PAK5: variants seen among roughly 807,000 people sequenced by gnomAD.
PAK5 encodes the protein p21 (RAC1) activated kinase 5.
In PAK5, 16 loss-of-function variants were observed where a neutral mutation model predicts 65.9. That is an observed-to-expected ratio of 0.24 (90% CI 0.16 to 0.37). The LOEUF is 0.37. Ranked by LOEUF, PAK5 falls within the 10% of genes least tolerant of loss-of-function variation. PAK5 has a pLI of 1.00. For missense variants in PAK5, 785 were observed against 903.9 expected, an observed-to-expected ratio of 0.87 and a Z score of 1.69; for synonymous variants, 371 against 354.9, an observed-to-expected ratio of 1.05 and a Z score of -0.51.
intron 1 of PAK5, among the ~76,000 whole-genome samples, chr20:9,723,628 C>A (rs149917544): frequency 6.6e-6 from 1 of 152,272 alleles, no homozygotes; most frequent in East Asian, 1.9e-4. Context: ...TTGTGCATTT[C>A]GAACTGTTCT....
chr20:9,757,394 T>C (rs1352079850), intron 1 of PAK5, among the ~76,000 whole-genome samples: 1 of 152,132 alleles, frequency 6.6e-6, no homozygotes, highest in Non-Finnish European at 1.5e-5. Flanking sequence ...TAAAATATGA[T>C]GAATATAAAA....
chr20:9,685,437 G>A (rs1692317588), intron 2 of PAK5, among the ~76,000 whole-genome samples: 1 of 152,142 alleles, frequency 6.6e-6, no homozygotes, highest in South Asian at 2.1e-4. Context: ...GATATACACA[G>A]GGAGAACCAC....
intron 2 of PAK5, among the ~76,000 whole-genome samples, chr20:9,692,634 C>T (rs2047812636): frequency 6.6e-6 from 1 of 152,120 alleles, no homozygotes; most frequent in Admixed American, 6.5e-5. Flanking sequence ...AATCATCACC[C>T]TAGTTCTTAA....
intron 1 of PAK5, among the ~76,000 whole-genome samples, chr20:9,811,804 TA>T (rs1244502026): frequency 2.0e-5 from 3 of 152,234 alleles, no homozygotes; most frequent in Non-Finnish European, 4.4e-5. Context: ...AAGAAGTTAC[TA>T]TGCTCCTTCT....
At chr20:9,645,443 G>T (rs1600190894) in intron 2 of PAK5, among the ~76,000 whole-genome samples, 1 of 152,216 alleles carries the variant, frequency 6.6e-6, no homozygotes, top group Admixed American at 6.5e-5. Context: ...ACTCATCTGT[G>T]AATAGAACAA....
chr20:9,715,326 C>T (rs894158134), intron 1 of PAK5, among the ~76,000 whole-genome samples: 2 of 151,980 alleles, frequency 1.3e-5, no homozygotes, highest in African/African-American at 4.8e-5. Context: ...CAGAGAAATG[C>T]AAATCGAAAC....
intron 3 of PAK5, among the ~76,000 whole-genome samples, chr20:9,590,253 AG>A (rs1403996115): frequency 6.6e-6 from 1 of 152,178 alleles, no homozygotes; most frequent in African/African-American, 2.4e-5. Flanking sequence ...TACAGGTATG[AG>A]CCACCAGGAC....
intron 1 of PAK5, among the ~76,000 whole-genome samples, chr20:9,758,728 G>A (rs1429283594): frequency 6.6e-6 from 1 of 152,186 alleles, no homozygotes; most frequent in African/African-American, 2.4e-5. Flanking sequence ...ACCACTAAAT[G>A]TGTGGGAACT....
At chr20:9,689,280 G>A (rs1368856495) in intron 2 of PAK5, among the ~76,000 whole-genome samples, 1 of 152,170 alleles carries the variant, frequency 6.6e-6, no homozygotes, top group Admixed American at 6.5e-5. Context: ...GAGGAAATAA[G>A]GATGCAGGAT....
intron 1 of PAK5, among the ~76,000 whole-genome samples, chr20:9,766,326 T>TTGAATATATATATATTC (rs1273985362): frequency 0.015 from 155 of 10,578 alleles, 15 homozygotes; most frequent in African/African-American, 0.05. Flanking sequence ...TATATTCTAC[T>TTGAATATATATATATTC]TACTTGAATA....
In PAK5 at chr20:9,580,606, G is replaced by C. The variant is rs2045961738; in HGVS notation, c.529C>G (p.His177Asp). 1 of 1,614,014 alleles carries C rather than the reference G, an allele frequency of 6.2e-7. No individual in the cohort carries two copies. The highest frequency in any genetic ancestry group is 8.5e-7 in the Non-Finnish European group (1 of 1,179,992). ...KQNGHVMKMK[H>D]GEAYYSEVKP... is the part of the protein sequence containing the mutation. ...ACCTCAGAATAGTAGGCCTCCCCGT[G>C]CTTCATTTTCATTACGTGCCCATTT... Residue 177 changes from histidine (H) to aspartate (D), a missense_variant, in exon 4 of 10, where the codon CAC becomes GAC. By Grantham distance (81) the His-to-Asp change is moderately conservative. Coordinates refer to ENST00000353224, the MANE Select transcript of PAK5 (RefSeq NM_177990.4).
At chr20:9,832,863 TG>T (rs1375342008) in intron 1 of PAK5, among the ~76,000 whole-genome samples, 1 of 152,234 alleles carries the variant, frequency 6.6e-6, no homozygotes, top group Non-Finnish European at 1.5e-5. Context: ...GGGGTGCTAT[TG>T]TTTACTCACT....
chr20:9,571,019 G>A (rs566865670), intron 4 of PAK5, among the ~76,000 whole-genome samples: 1 of 152,238 alleles, frequency 6.6e-6, no homozygotes, highest in South Asian at 2.1e-4. Flanking sequence ...TAGGCCATGA[G>A]ACAAAAAGGT....
chr20:9,693,618 T>C (rs2047827866), intron 2 of PAK5, among the ~76,000 whole-genome samples: 1 of 152,170 alleles, frequency 6.6e-6, no homozygotes, highest in South Asian at 2.1e-4. Flanking sequence ...AGAATTTCAA[T>C]GTAGTTCTGC....
intron 3 of PAK5, among the ~76,000 whole-genome samples, chr20:9,641,109 C>A (rs1255316671): frequency 6.6e-6 from 1 of 152,008 alleles, no homozygotes; most frequent in African/African-American, 2.4e-5. Flanking sequence ...GAGCTAGATA[C>A]AAAGGTTCTC....
chr20:9,803,702 A>T (rs2049198876), intron 1 of PAK5, among the ~76,000 whole-genome samples: 1 of 152,208 alleles, frequency 6.6e-6, no homozygotes, highest in African/African-American at 2.4e-5. Flanking sequence ...GAGAAAAATA[A>T]CCTGCTAATA....
intron 2 of PAK5, among the ~76,000 whole-genome samples, chr20:9,692,840 C>T (rs1038016672): frequency 5.3e-5 from 8 of 151,960 alleles, no homozygotes; most frequent in African/African-American, 1.9e-4. Flanking sequence ...ATGGACAAAT[C>T]CTGGATTTCT....
intron 3 of PAK5, among the ~76,000 whole-genome samples, chr20:9,606,364 AGAG>A (rs1243398453): frequency 1.3e-5 from 2 of 152,282 alleles, no homozygotes; most frequent in East Asian, 1.9e-4. Flanking sequence ...TGCAGCCTGC[AGAG>A]GAGGTGAGCC....
In PAK5 at chr20:9,580,391, C is replaced by G. The variant is rs1192887616; in HGVS notation, c.744G>C (p.Glu248Asp). 2 of 1,613,940 alleles carry G rather than the reference C, an allele frequency of 1.2e-6. No individual in the cohort carries two copies. Among genetic ancestry groups the G allele is most frequent in the Admixed American group, 1.7e-5 (1 of 59,992 alleles). ...ATTCACTTTCACTGTACGCCAGGCT[C>G]TCCTTGGAGCACCCGCTGGTCCCTG... is the stretch of plus-strand genomic sequence containing the variant. ...RTAGTSGCSK[E>D]SLAYSESEWG... The change falls in exon 4 of 10, where the codon GAG becomes GAC. Residue 248 changes from glutamate to aspartate, a missense_variant. This residue lies in a region of PAK5 where 422 missense variants were observed against 413.3 expected (regional missense o/e 1.02). Coordinates refer to ENST00000353224, the MANE Select transcript of PAK5 (RefSeq NM_177990.4).
Sources: gnomAD v4.1 joint callset for allele counts (sites outside exome capture counted in the v4.1 genomes callset) on GRCh38, gnomAD v4.1.1 for gene constraint, gnomAD v4.1.1 regional missense constraint, MANE v1.5 for transcripts, NCBI Gene and HGNC (gene_info 2026-07-23, HGNC 2026-07-21) for gene names.